Variants in AVEN observed in about 807,000 individuals in gnomAD.
AVEN encodes cell death regulator Aven.
A neutral mutation model predicts 38.1 loss-of-function variants in AVEN; 41 were observed. The ratio of observed to expected loss-of-function variants is 1.08; its 90% confidence interval spans 0.84 to 1.40. AVEN has a LOEUF of 1.40. Ranked by LOEUF, AVEN falls within the 40% of genes most tolerant of loss-of-function variation. The pLI, the probability that AVEN is intolerant of heterozygous loss-of-function variation, is 0.00. For synonymous variants in AVEN, 206 were observed against 171.8 expected, an observed-to-expected ratio of 1.20 and a Z score of -1.56; for missense variants, 605 against 438.8, an observed-to-expected ratio of 1.38 and a Z score of -3.38.
intron 5 of AVEN, among the ~76,000 whole-genome samples, chr15:34,057,347 T>G (rs1260432165): frequency 6.6e-6 from 1 of 151,504 alleles, no homozygotes; most frequent in Non-Finnish European, 1.5e-5. Flanking sequence ...TTTCACCATG[T>G]TAGCCAGGAT....
chr15:33,941,869 C>T (rs1894331096), intron 2 of AVEN, among the ~76,000 whole-genome samples: 1 of 152,202 alleles, frequency 6.6e-6, no homozygotes, highest in Non-Finnish European at 1.5e-5. Flanking sequence ...TATTTACACA[C>T]TTCAGCTTTC....
At chr15:34,024,492 A>AC (rs1491021146) in intron 1 of AVEN, among the ~76,000 whole-genome samples, 2 of 135,530 alleles carry the variant, frequency 1.5e-5, no homozygotes, top group African/African-American at 5.0e-5. Flanking sequence ...AAAAAAAAAA[A>AC]AGAAGCACTT....
chr15:33,940,929 G>A (rs542922373), intron 2 of AVEN, among the ~76,000 whole-genome samples: 3 of 152,230 alleles, frequency 2.0e-5, no homozygotes, highest in African/African-American at 7.2e-5. Flanking sequence ...CAAACCTCTT[G>A]CTCTAAATGC....
chr15:33,958,282 TAAG>T (rs1895031448), intron 2 of AVEN, among the ~76,000 whole-genome samples: 2 of 152,188 alleles, frequency 1.3e-5, no homozygotes, highest in Non-Finnish European at 2.9e-5. Context: ...GCTTGAATAA[TAAG>T]AAAACTTCTT....
intron 1 of AVEN, chr15:34,006,954 AAAC>A: frequency 3.5e-6 from 2 of 564,306 alleles, no homozygotes; most frequent in Non-Finnish European, 4.5e-6. Context: ...ACTGATCAGA[AAAC>A]AAGGTGAAAA....
chr15:33,896,670 G>C (rs370860712), intron 2 of AVEN, among the ~76,000 whole-genome samples: 1 of 152,182 alleles, frequency 6.6e-6, no homozygotes, highest in South Asian at 2.1e-4. Context: ...CTCTGAAGCT[G>C]GTATAAGCCT....
intron 2 of AVEN, among the ~76,000 whole-genome samples, chr15:33,896,412 T>C (rs1892234647): frequency 6.6e-6 from 1 of 152,228 alleles, no homozygotes; most frequent in African/African-American, 2.4e-5. Context: ...CACTCTATAC[T>C]TCAACTGTAC....
intron 2 of AVEN, among the ~76,000 whole-genome samples, chr15:33,952,085 C>T (rs1894772835): frequency 6.6e-6 from 1 of 152,082 alleles, no homozygotes; most frequent in African/African-American, 2.4e-5. Flanking sequence ...GCTGCAGTAA[C>T]AAAAGATATA....
downstream of AVEN, chr15:33,857,791 T>A (rs1478699915): frequency 6.2e-7 from 1 of 1,614,108 alleles, no homozygotes; most frequent in Non-Finnish European, 8.5e-7. Flanking sequence ...TGGTTCTGAC[T>A]GTCGGTCTCC....
At chr15:33,969,330 A>G (rs1895526878) in intron 2 of AVEN, among the ~76,000 whole-genome samples, 1 of 152,036 alleles carries the variant, frequency 6.6e-6, no homozygotes, top group Non-Finnish European at 1.5e-5. Flanking sequence ...TCAGAACTAG[A>G]TAATAAAGCA....
chr15:33,917,426 C>CTA (rs1445658945), intron 2 of AVEN, among the ~76,000 whole-genome samples: 6 of 147,878 alleles, frequency 4.1e-5, no homozygotes, highest in Non-Finnish European at 6.0e-5. Flanking sequence ...TATACACACA[C>CTA]TATATATATA....
chr15:33,994,917 C>T (rs1274337263), intron 2 of AVEN, among the ~76,000 whole-genome samples: 5 of 152,120 alleles, frequency 3.3e-5, no homozygotes, highest in African/African-American at 4.8e-5. Context: ...CAACCATCCA[C>T]ATTGGTAGAT....
intron 2 of AVEN, among the ~76,000 whole-genome samples, chr15:33,956,814 T>C (rs16958403): frequency 0.022 from 3,272 of 151,858 alleles, 209 homozygotes; most frequent in Admixed American, 0.13. Context: ...ATTAAACTCT[T>C]TGGCACATGT....
At chr15:33,994,609 C>T (rs1896859787) in intron 2 of AVEN, among the ~76,000 whole-genome samples, 1 of 152,128 alleles carries the variant, frequency 6.6e-6, no homozygotes, top group African/African-American at 2.4e-5. Context: ...GGTGAAAGTG[C>T]TAGATCTTCA....
intron 11 of AVEN, chr15:33,861,224 T>G (rs771721351): frequency 1.5e-6 from 2 of 1,378,908 alleles, no homozygotes; most frequent in East Asian, 5.0e-5. Flanking sequence ...GTAGCGTAAA[T>G]AAAGCCAATT....
intron 5 of AVEN, among the ~76,000 whole-genome samples, chr15:34,054,020 G>A (rs1900039790): frequency 6.6e-6 from 1 of 152,002 alleles, no homozygotes. Context: ...CAAAGAACCT[G>A]TATGAACAAA....
At position 33,940,776 on chromosome 15, in the gene AVEN, G is replaced by A. The variant is rs369636877; in HGVS notation, c.445+62256C>T. 3.3e-5 allele frequency among the ~76,000 whole-genome samples: 5 copies of A among 152,188 alleles called. No individual in the cohort carries two copies. The East Asian group carries it at 9.6e-4, about 29-fold the overall frequency. On this transcript the variant is annotated intron_variant, in intron 2 of 5. Coordinates refer to ENST00000306730, the MANE Select transcript of AVEN (RefSeq NM_020371.3). ...AGGCTGGTCTCAAACTCTTGACCAC[G>A]TGATCCACCCACTTTGGCCTCCCAA...
downstream of AVEN, chr15:33,865,076 G>C (rs117334660): frequency 0.037 from 52,700 of 1,427,246 alleles, 1,345 homozygotes; most frequent in Non-Finnish European, 0.039. Context: ...AACAAACTGG[G>C]TTTTAGCTTT....
chr15:33,948,834 G>A (rs913720797), intron 2 of AVEN, among the ~76,000 whole-genome samples: 2 of 151,972 alleles, frequency 1.3e-5, no homozygotes, highest in Admixed American at 1.3e-4. Flanking sequence ...CACCACGTCT[G>A]GCTAACTTTT....
Sources: gnomAD v4.1 joint callset for allele counts (sites outside exome capture counted in the v4.1 genomes callset) on GRCh38, gnomAD v4.1.1 for gene constraint, MANE v1.5 for transcripts, NCBI Gene and HGNC (gene_info 2026-07-23, HGNC 2026-07-21) for gene names.